The following GALNT13 variants were observed in gnomAD, a reference collection of about 807,000 sequenced individuals.
GALNT13 encodes polypeptide N-acetylgalactosaminyltransferase 13, also known as UDP-GalNAc:polypeptide N-acetylgalactosaminyltransferase 13.
GALNT13 carries 28 observed loss-of-function variants against 64.2 expected under a neutral mutation model. That is an observed-to-expected ratio of 0.44 (90% CI 0.32 to 0.60). GALNT13 has a LOEUF of 0.60. GALNT13 is among the 20% of genes least tolerant of loss of function. The pLI, the probability that GALNT13 is intolerant of heterozygous loss-of-function variation, is 0.05. For synonymous variants in GALNT13, 214 were observed against 224.6 expected, an observed-to-expected ratio of 0.95 and a Z score of 0.42; for missense variants, 577 against 669.8, an observed-to-expected ratio of 0.86 and a Z score of 1.53.
upstream of GALNT13, among the ~76,000 whole-genome samples, chr2:153,871,007 A>G (rs1168862437): frequency 6.6e-6 from 1 of 152,084 alleles, no homozygotes; most frequent in African/African-American, 2.4e-5. Context: ...TTCCTCTCCC[A>G]TGGCAGTGGG....
the GALNT13 span, among the ~76,000 whole-genome samples, chr2:153,719,649 G>A: frequency 6.6e-6 from 1 of 152,200 alleles, no homozygotes; most frequent in Non-Finnish European, 1.5e-5. Flanking sequence ...CCTCACCTGG[G>A]AAGTGCAAGG....
the GALNT13 span, among the ~76,000 whole-genome samples, chr2:153,488,994 ATTAAT>A: frequency 2.0e-5 from 3 of 152,174 alleles, no homozygotes; most frequent in African/African-American, 7.2e-5. Context: ...AATAAATTTC[ATTAAT>A]TTAAGTGAAA....
the GALNT13 span, among the ~76,000 whole-genome samples, chr2:153,199,284 G>A: frequency 6.6e-6 from 1 of 152,202 alleles, no homozygotes; most frequent in South Asian, 2.1e-4. Context: ...CAGAGGCAAG[G>A]AAAGCTTATG....
chr2:154,432,159 C>T (rs1485270144), intron 11 of GALNT13, among the ~76,000 whole-genome samples: 32 of 152,212 alleles, frequency 2.1e-4, no homozygotes, highest in South Asian at 2.1e-4. Flanking sequence ...TACATAAAAT[C>T]AGGAAATCAC....
Position 153,986,121 on chromosome 2 carries a change from C to T in GALNT13, c.142+41482C>T, listed in dbSNP as rs16835594. ...CAGTAAAAAGACTGTAACTCTGTGA[C>T]TTTGCCTCCTTTTCAAATCAGTACC... On this transcript the variant is annotated intron_variant, in intron 3 of 12. Coordinates refer to ENST00000392825, the MANE Select transcript of GALNT13 (RefSeq NM_052917.4). Among the ~76,000 whole-genome samples, 1,166 of 152,120 alleles carry T rather than the reference C, an allele frequency of 7.7e-3. 15 individuals carry two copies. Among genetic ancestry groups the T allele is most frequent in the African/African-American group, 0.027 (1,107 of 41,532 alleles).
intron 2 of GALNT13, among the ~76,000 whole-genome samples, chr2:153,942,611 T>G (rs941178280): frequency 3.3e-5 from 5 of 152,034 alleles, no homozygotes; most frequent in Admixed American, 1.3e-4. Flanking sequence ...TGAAACAAAG[T>G]AGATAATAAC....
At chr2:154,373,862 T>G (rs1423970015) in intron 9 of GALNT13, among the ~76,000 whole-genome samples, 1 of 152,132 alleles carries the variant, frequency 6.6e-6, no homozygotes, top group African/African-American at 2.4e-5. Context: ...ACAAAGATAC[T>G]CAGAGCTCTG....
At chr2:153,905,295 A>T (rs1210817432) in intron 2 of GALNT13, among the ~76,000 whole-genome samples, 3 of 151,942 alleles carry the variant, frequency 2.0e-5, no homozygotes, top group African/African-American at 7.2e-5. Context: ...TTTCCTCCTT[A>T]TTAACTGGGG....
At chr2:153,422,180 G>A in the GALNT13 span, among the ~76,000 whole-genome samples, 13 of 152,220 alleles carry the variant, frequency 8.5e-5, no homozygotes, top group Admixed American at 7.2e-4. Flanking sequence ...AAAATGTGTG[G>A]GATTTGGCTA....
intron 4 of GALNT13, among the ~76,000 whole-genome samples, chr2:154,211,037 A>T (rs562292237): frequency 6.6e-6 from 1 of 152,312 alleles, no homozygotes; most frequent in East Asian, 1.9e-4. Context: ...CCTGTGAGAC[A>T]TTCAAGTGGA....
chr2:153,819,169 G>T, the GALNT13 span, among the ~76,000 whole-genome samples: 1 of 152,106 alleles, frequency 6.6e-6, no homozygotes, highest in African/African-American at 2.4e-5. Context: ...CCCAAAGGTG[G>T]AGCCCCTCTT....
the GALNT13 span, among the ~76,000 whole-genome samples, chr2:153,791,050 A>G: frequency 6.6e-6 from 1 of 152,180 alleles, no homozygotes; most frequent in Admixed American, 6.5e-5. Context: ...TGTTTTCTGC[A>G]TGGCAAAATA....
chr2:153,538,326 C>CTTTTTTTTTTTTTTTTT, the GALNT13 span, among the ~76,000 whole-genome samples: 1 of 100,844 alleles, frequency 9.9e-6, no homozygotes, highest in African/African-American at 3.5e-5. Flanking sequence ...TTTTTTAATT[C>CTTTTTTTTTTTTTTTTT]TTTTTTTTTT....
intron 3 of GALNT13, among the ~76,000 whole-genome samples, chr2:153,981,139 A>G (rs1264900228): frequency 1.3e-4 from 20 of 152,124 alleles, no homozygotes; most frequent in Non-Finnish European, 1.5e-5. Flanking sequence ...TTCTTTAAAG[A>G]CTAAATACTA....
intron 3 of GALNT13, among the ~76,000 whole-genome samples, chr2:153,946,183 C>T (rs530572676): frequency 6.6e-6 from 1 of 152,088 alleles, no homozygotes; most frequent in Admixed American, 6.6e-5. Flanking sequence ...AATGATCACT[C>T]TGTCATTTGT....
intron 3 of GALNT13, among the ~76,000 whole-genome samples, chr2:154,043,414 T>TTATATATATATATA (rs1179722579): frequency 7.7e-5 from 6 of 78,236 alleles, no homozygotes; most frequent in Admixed American, 1.4e-4. Context: ...ATAAGGACTT[T>TTATATATATATATA]TATATATATA....
chr2:154,158,190 G>C (rs1684534150), intron 4 of GALNT13, among the ~76,000 whole-genome samples: 1 of 152,080 alleles, frequency 6.6e-6, no homozygotes, highest in Non-Finnish European at 1.5e-5. Flanking sequence ...TAAATCTTAA[G>C]CACCAGATAG....
At chr2:154,381,551 TC>T (rs1358474823) in intron 9 of GALNT13, among the ~76,000 whole-genome samples, 2 of 152,000 alleles carry the variant, frequency 1.3e-5, no homozygotes, top group Admixed American at 6.6e-5. Flanking sequence ...GAACATTGTA[TC>T]CCCATCACCT....
chr2:154,028,432 A>G (rs1343381155), intron 3 of GALNT13, among the ~76,000 whole-genome samples: 1 of 152,110 alleles, frequency 6.6e-6, no homozygotes, highest in East Asian at 1.9e-4. Flanking sequence ...AAAATTTTAG[A>G]TAAGTATTCC....
Sources: gnomAD v4.1 joint callset for allele counts (sites outside exome capture counted in the v4.1 genomes callset) on GRCh38, gnomAD v4.1.1 for gene constraint, MANE v1.5 for transcripts, NCBI Gene and HGNC (gene_info 2026-07-23, HGNC 2026-07-21) for gene names.